Variants in SNX13 observed in about 807,000 individuals in gnomAD.
SNX13 encodes sorting nexin-13.
Under a neutral mutation model 133.6 loss-of-function variants are expected in SNX13, and 45 were observed. The observed-to-expected ratio is 0.34, with a 90% CI of 0.27 to 0.43. SNX13 has a LOEUF of 0.43. Among genes scored for constraint, SNX13 ranks in the 20% least tolerant of loss-of-function variants. SNX13 has a pLI of 1.00. For synonymous variants in SNX13, 414 were observed against 373.9 expected (o/e 1.11, Z -1.24); for missense variants, 1,032 against 1,145.1 (o/e 0.90, Z 1.43).
At chr7:17,886,441 G>A (rs948428035) in intron 5 of SNX13, among the ~76,000 whole-genome samples, 7 of 151,914 alleles carry the variant, frequency 4.6e-5, no homozygotes, top group Non-Finnish European at 8.8e-5. Context: ...AGTGGCGTGC[G>A]CTTATAATAT....
chr7:17,843,408 T>C (rs1350970983), intron 12 of SNX13, among the ~76,000 whole-genome samples: 4 of 152,014 alleles, frequency 2.6e-5, no homozygotes, highest in Admixed American at 6.6e-5. Context: ...TACATACCTA[T>C]TAACAGATCA....
At chr7:17,863,747 C>T (rs1180168228) in intron 9 of SNX13, among the ~76,000 whole-genome samples, 1 of 152,210 alleles carries the variant, frequency 6.6e-6, no homozygotes, top group Admixed American at 6.5e-5. Flanking sequence ...AGGTGCAACT[C>T]TGCACGGTGC....
At chr7:17,900,014 A>G (rs1243108729) in intron 1 of SNX13, 1 of 152,234 alleles carries the variant, frequency 6.6e-6, no homozygotes, top group African/African-American at 2.4e-5. Flanking sequence ...AACTGTAGCC[A>G]TATATACATT....
intron 1 of SNX13, chr7:17,898,855 A>G (rs1263681219): frequency 6.6e-6 from 1 of 152,024 alleles, no homozygotes; most frequent in Non-Finnish European, 1.5e-5. Flanking sequence ...GAGTTATACA[A>G]CTCTTATTCC....
At chr7:17,851,105 G>A (rs935747823) in intron 9 of SNX13, 141 bp from the exon 10 acceptor site, 2 of 775,318 alleles carry the variant, frequency 2.6e-6, no homozygotes, top group Admixed American at 3.4e-5. Context: ...TTCTATATTT[G>A]GGCACCTATT....
At chr7:17,821,729 A>T (rs897815170) in intron 17 of SNX13, 81 bp from the exon 18 acceptor site, 1 of 1,466,900 alleles carries the variant, frequency 6.8e-7, no homozygotes, top group African/African-American at 1.4e-5. Context: ...ACAAAAAAGG[A>T]GGAAGATGAA....
chr7:17,885,111 G>T (rs1795832758), intron 5 of SNX13, among the ~76,000 whole-genome samples: 1 of 152,042 alleles, frequency 6.6e-6, no homozygotes, highest in Non-Finnish European at 1.5e-5. Flanking sequence ...CCCATTTACT[G>T]ATGAAAAACA....
chr7:17,792,203 T>C lies in SNX13; in HGVS notation c.*1842A>G, dbSNP rs1783615690. ...ATCACTGCACTTATGGCCATGCTGA[T>C]GCTTCCTACAGACATGTTTCATGTT... is the stretch of plus-strand genomic sequence containing the variant. On this transcript the variant is annotated 3_prime_UTR_variant, in exon 26 of 26. Transcript: ENST00000428135. The C allele has an allele frequency of 6.6e-6, 1 of 152,028 alleles. No individual in the cohort carries two copies. Among genetic ancestry groups the C allele is most frequent in the Admixed American group, 6.6e-5 (1 of 15,250 alleles). The allele number at this position is 152,028 out of a possible 1,614,324, so 9.4% of individuals were successfully genotyped here. A position where few individuals can be genotyped will look rare whatever the true frequency, so the allele number is the denominator to read the frequency against.
intron 20 of SNX13, among the ~76,000 whole-genome samples, chr7:17,803,836 A>G (rs1292891156): frequency 6.7e-6 from 1 of 149,878 alleles, no homozygotes; most frequent in African/African-American, 2.5e-5. Context: ...ACTTGAATCC[A>G]GGAGTTTGAG....
chr7:17,862,520 G>C (rs1295331375), intron 9 of SNX13, among the ~76,000 whole-genome samples: 1 of 152,016 alleles, frequency 6.6e-6, no homozygotes, highest in Non-Finnish European at 1.5e-5. Context: ...TCATTAATAA[G>C]TATATTTTTC....
chr7:17,925,886 T>C (rs1800694361), intron 1 of SNX13, among the ~76,000 whole-genome samples: 1 of 152,216 alleles, frequency 6.6e-6, no homozygotes. Context: ...ATCACATTAC[T>C]GAATTAGAAC....
intron 2 of SNX13, among the ~76,000 whole-genome samples, chr7:17,893,730 T>C (rs1796891460): frequency 6.6e-6 from 1 of 151,916 alleles, no homozygotes; most frequent in African/African-American, 2.4e-5. Flanking sequence ...ATCCCAGCAC[T>C]TTGGGAGGCC....
chr7:17,830,808 AG>A (rs1307413258), intron 15 of SNX13: 1 of 983,128 alleles, frequency 1.0e-6, no homozygotes, highest in Non-Finnish European at 1.2e-6. Context: ...ATTCATACAC[AG>A]TTTAATATAT....
At chr7:17,920,865 G>A (rs1251443634) in intron 1 of SNX13, among the ~76,000 whole-genome samples, 1 of 152,102 alleles carries the variant, frequency 6.6e-6, no homozygotes, top group African/African-American at 2.4e-5. Context: ...CACAAATCTA[G>A]AACTGGACAA....
At chr7:17,904,349 C>G (rs762381871) in intron 1 of SNX13, among the ~76,000 whole-genome samples, 22 of 152,184 alleles carry the variant, frequency 1.4e-4, no homozygotes, top group Non-Finnish European at 3.1e-4. Context: ...CTAGTTGTAG[C>G]AGACTGGTTC....
chr7:17,923,201 T>A lies in SNX13; in HGVS notation c.12+17083A>T, dbSNP rs557772420. On this transcript the variant is annotated intron_variant, in intron 1 of 25. Coordinates refer to ENST00000428135, the MANE Select transcript of SNX13 (RefSeq NM_015132.5). ...CCACCACGTGAAAAAACATGAAATA[T>A]CCTGTTTGAGAAAGCAAAACAAGAA... 1.3e-4 allele frequency among the ~76,000 whole-genome samples: 20 copies of A among 152,234 alleles called. No individual in the cohort carries two copies. The South Asian group carries it at 3.9e-3, about 30-fold the overall frequency.
intron 1 of SNX13, among the ~76,000 whole-genome samples, chr7:17,914,723 G>A (rs963886241): frequency 6.6e-6 from 1 of 152,102 alleles, no homozygotes; most frequent in South Asian, 2.1e-4. Context: ...AAGCTTAAGG[G>A]GGTTCTAAAC....
At chr7:17,908,094 TA>T (rs1214825612) in intron 1 of SNX13, among the ~76,000 whole-genome samples, 1 of 152,200 alleles carries the variant, frequency 6.6e-6, no homozygotes, top group African/African-American at 2.4e-5. Flanking sequence ...ATGTTTCCTA[TA>T]TTCCTTTACT....
At chr7:17,861,387 G>A (rs963104474) in intron 9 of SNX13, among the ~76,000 whole-genome samples, 2 of 149,328 alleles carry the variant, frequency 1.3e-5, no homozygotes. Context: ...CACACAGTGT[G>A]ATAACTGCAA....
Sources: gnomAD v4.1 joint callset for allele counts (sites outside exome capture counted in the v4.1 genomes callset) on GRCh38, gnomAD v4.1.1 for gene constraint, MANE v1.5 for transcripts, NCBI Gene and HGNC (gene_info 2026-07-23, HGNC 2026-07-21) for gene names.